SLC2A5: variants seen among roughly 807,000 people sequenced by gnomAD.
The protein encoded by SLC2A5 is solute carrier family 2 member 5.
SLC2A5 carries 56 observed loss-of-function variants against 50.3 expected under a neutral mutation model. The ratio of observed to expected loss-of-function variants is 1.11; its 90% CI spans 0.90 to 1.39. SLC2A5 has a LOEUF of 1.39. Among genes scored for constraint, SLC2A5 ranks in the 40% most tolerant of loss-of-function variants. SLC2A5 has a pLI of 0.00. For missense variants in SLC2A5, 566 were observed against 650.1 expected, an observed-to-expected ratio of 0.87 and a Z score of 1.41; for synonymous variants, 269 against 281.9, an observed-to-expected ratio of 0.95 and a Z score of 0.46.
At chr1:9,063,240 G>A in intron 1 of SLC2A5, among the ~76,000 whole-genome samples, 1 of 152,288 alleles carries the variant, frequency 6.6e-6, no homozygotes, top group South Asian at 2.1e-4. Flanking sequence ...TGTACTTTGT[G>A]TGTGTGTGTG....
intron 2 of SLC2A5, among the ~76,000 whole-genome samples, chr1:9,081,426 A>C (rs533698878): frequency 5.6e-4 from 82 of 146,282 alleles, no homozygotes; most frequent in Admixed American, 3.9e-3. Flanking sequence ...AGAGATCAGG[A>C]GTTCAAGTCC....
intron 2 of SLC2A5, among the ~76,000 whole-genome samples, chr1:9,084,061 G>A (rs1040486589): frequency 6.6e-6 from 1 of 150,794 alleles, no homozygotes; most frequent in African/African-American, 2.4e-5. Flanking sequence ...GGAGCATGGC[G>A]TGAACCTGGG....
chr1:9,053,101 T>TA (rs1338694303), intron 3 of SLC2A5, among the ~76,000 whole-genome samples: 10 of 110,214 alleles, frequency 9.1e-5, no homozygotes, highest in African/African-American at 3.6e-4. Flanking sequence ...TATATATTTA[T>TA]ATATAATATA....
intron 1 of SLC2A5, among the ~76,000 whole-genome samples, chr1:9,060,271 C>T (rs1641894782): frequency 7.1e-6 from 1 of 140,524 alleles, no homozygotes; most frequent in South Asian, 2.5e-4. Flanking sequence ...ACACACTCCC[C>T]ACATGTACAC....
Position 9,055,284 on chromosome 1 carries a change from A to G in SLC2A5, c.293+2164T>C, listed in dbSNP as rs565226695. Among the ~76,000 whole-genome samples the G allele has an allele frequency of 9.5e-4, 144 of 152,150 alleles. 1 individual carries two copies. Among genetic ancestry groups the G allele is most frequent in the African/African-American group, 3.2e-3 (134 of 41,530 alleles). ...TGTAATCTCAGCACTTTGGGAGGCC[A>G]AGGCGGGTGGATCACAAGGTCAGGA... On this transcript the variant is annotated intron_variant, in intron 3 of 11. Transcript: ENST00000377424.
chr1:9,041,487 G>A, intron 5 of SLC2A5: 1 of 1,311,394 alleles, frequency 7.6e-7, no homozygotes, highest in Non-Finnish European at 9.7e-7. Flanking sequence ...TCATTGCTAT[G>A]CCACGGGCCT....
upstream of SLC2A5, among the ~76,000 whole-genome samples, chr1:9,093,174 G>T (rs1200207520): frequency 6.6e-6 from 1 of 151,954 alleles, no homozygotes; most frequent in African/African-American, 2.4e-5. Context: ...CAGGAGACTG[G>T]GTTCTAGTAA....
intron 1 of SLC2A5, among the ~76,000 whole-genome samples, chr1:9,058,693 G>A (rs1414506937): frequency 1.3e-5 from 2 of 152,232 alleles, no homozygotes; most frequent in African/African-American, 4.8e-5. Context: ...TTCCTGCCAC[G>A]TGGGGCATTT....
At chr1:9,090,031 C>T (rs1642447025), upstream of SLC2A5, among the ~76,000 whole-genome samples, 4 of 152,096 alleles carry the variant, frequency 2.6e-5, no homozygotes, top group African/African-American at 9.7e-5. Flanking sequence ...TTTCTGTTGG[C>T]GTGAGGGGCA....
intron 3 of SLC2A5, among the ~76,000 whole-genome samples, chr1:9,052,799 C>G (rs1269668713): frequency 2.0e-5 from 3 of 151,340 alleles, no homozygotes; most frequent in African/African-American, 7.3e-5. Context: ...GGGAGGATGG[C>G]TTGAGGCCAG....
intron 1 of SLC2A5, among the ~76,000 whole-genome samples, chr1:9,064,958 CAGG>C (rs1184890550): frequency 6.6e-6 from 1 of 150,572 alleles, no homozygotes; most frequent in African/African-American, 2.5e-5. Context: ...GAGGCTGAGG[CAGG>C]AGAATTGCTT....
chr1:9,080,268 C>T (rs12127491), intron 2 of SLC2A5, among the ~76,000 whole-genome samples: 26,767 of 152,174 alleles, frequency 0.18, 2,948 homozygotes, highest in Admixed American at 0.25. Context: ...TGCAGCTATG[C>T]GCATGGGTGT....
At chr1:9,074,371 A>G (rs1380270711), upstream of SLC2A5, among the ~76,000 whole-genome samples, 1 of 152,158 alleles carries the variant, frequency 6.6e-6, no homozygotes, top group Admixed American at 6.6e-5. Flanking sequence ...GAGGGCGTCG[A>G]TATTTAAAGA....
At chr1:9,038,566 G>C (rs1641199653) in intron 9 of SLC2A5, 60 bp from the exon 10 acceptor site, 1 of 1,468,430 alleles carries the variant, frequency 6.8e-7, no homozygotes, top group South Asian at 1.2e-5. Context: ...GACCCCAGGG[G>C]GCGGCCAACC....
chr1:9,071,474 TG>T (rs1642209356), upstream of SLC2A5, among the ~76,000 whole-genome samples: 1 of 152,224 alleles, frequency 6.6e-6, no homozygotes, highest in Non-Finnish European at 1.5e-5. Context: ...GTCAAGTGCA[TG>T]ACACCTGCTT....
chr1:9,039,667 A>G lies in SLC2A5; in HGVS notation c.886-5T>C. The G allele has an allele frequency of 1.3e-6, 2 of 1,531,454 alleles. No homozygotes were observed. The highest frequency in any genetic ancestry group is 1.8e-6 in the Non-Finnish European group (2 of 1,138,660). 94.9% of individuals were successfully genotyped at this position (1,531,454 alleles called of 1,614,324 possible). A position where few individuals can be genotyped will look rare whatever the true frequency, so the allele number is the denominator to read the frequency against. ...CTGGTCCGCGTAGTAGTAGATCTGC[A>G]AGGCAAGCGCGGGGCTGGGCGGCTG... On this transcript the variant is annotated splice_region_variant and splice_polypyrimidine_tract_variant and intron_variant, in intron 7 of 11. Coordinates refer to ENST00000377424, the MANE Select transcript of SLC2A5 (RefSeq NM_003039.3).
intron 3 of SLC2A5, chr1:9,049,252 G>A (rs913539941): frequency 2.9e-5 from 13 of 452,388 alleles, no homozygotes; most frequent in African/African-American, 4.0e-5. Context: ...CGTGAGAGCC[G>A]CTTATACTAA....
Position 9,039,856 on chromosome 1 carries a change from G to C in SLC2A5, c.829C>G (p.Gln277Glu), listed in dbSNP as rs762563926. 1 of 1,611,320 alleles carries C rather than the reference G, an allele frequency of 6.2e-7. No homozygotes were observed. Among genetic ancestry groups the C allele is most frequent in the Admixed American group, 1.7e-5 (1 of 59,820 alleles). Residue 277 changes from glutamine (Q) to glutamate (E), a missense_variant, in exon 7 of 12, where the codon CAG becomes GAG. Physicochemically the swap from Gln to Glu is conservative, Grantham distance 29. Transcript: ENST00000377424. ...ATGAGGACGATGATGGACAGCAGCT[G>C]CCAGCGCAGCGAGCGCATCCGGAAC... ...KLFRMRSLRW[Q>E]LLSIIVLMGG...
chr1:9,083,156 T>C (rs1053417165), intron 2 of SLC2A5, among the ~76,000 whole-genome samples: 3 of 152,172 alleles, frequency 2.0e-5, no homozygotes, highest in African/African-American at 7.2e-5. Context: ...GACAACTACT[T>C]TGCTGGGACA....
Sources: allele counts gnomAD v4.1 joint callset (sites outside exome capture counted in the v4.1 genomes callset), GRCh38; gene constraint gnomAD v4.1.1; transcripts MANE v1.5; gene names NCBI Gene and HGNC (gene_info 2026-07-23, HGNC 2026-07-21).